TP53BP1: variants seen among roughly 807,000 people sequenced by gnomAD.
TP53BP1 encodes the protein tumor protein p53 binding protein 1.
TP53BP1 carries 61 observed loss-of-function variants against 200.8 expected under a neutral mutation model. That is an observed-to-expected ratio of 0.30 (90% CI 0.25 to 0.38). TP53BP1 has a LOEUF of 0.38. Ranked by LOEUF, TP53BP1 falls within the 10% of genes least tolerant of loss-of-function variation. The pLI is 1.00. For missense variants in TP53BP1, 2,144 were observed against 2,371.9 expected, an observed-to-expected ratio of 0.90 and a Z score of 2.00; for synonymous variants, 822 against 844.3, an observed-to-expected ratio of 0.97 and a Z score of 0.46.
chr15:43,491,841 T>C, intron 3 of TP53BP1, 88 bp from the exon 4 acceptor site: 2 of 1,190,120 alleles, frequency 1.7e-6, no homozygotes, highest in East Asian at 2.3e-5. Context: ...ACCAATCTAA[T>C]CAGTGACACT....
Position 43,409,631 on chromosome 15 carries a change from C to G in TP53BP1, c.5400+16G>C, listed in dbSNP as rs756337514. The G allele has an allele frequency of 1.4e-6, 2 of 1,459,674 alleles. No homozygotes were observed. Among genetic ancestry groups the G allele is most frequent in the Non-Finnish European group, 1.9e-6 (2 of 1,079,564 alleles). The allele number at this position is 1,459,674 out of a possible 1,614,324, so 90.4% of individuals were successfully genotyped here. ...ATCATTGCCACTATATTAGGTTACA[C>G]AAAGAAACTCCTCACCTGGGCTTCA... On this transcript the variant is annotated intron_variant, in intron 25 of 27. Transcript: ENST00000382044.
intron 17 of TP53BP1, among the ~76,000 whole-genome samples, chr15:43,428,892 T>G (rs543247273): frequency 6.6e-6 from 1 of 152,198 alleles, no homozygotes; most frequent in Non-Finnish European, 1.5e-5. Flanking sequence ...GCTTCTTTCA[T>G]TCAAAAAACA....
Position 43,480,907 on chromosome 15 carries a change from G to T in TP53BP1, c.487C>A (p.Leu163Ile), listed in dbSNP as rs2078955433. The T allele has an allele frequency of 6.2e-7, 1 of 1,613,974 alleles. No homozygotes were observed. The highest frequency in any genetic ancestry group is 1.1e-5 in the South Asian group (1 of 91,082). The part of the protein sequence containing the change: ...EDTSGNTTHS[L>I]GAEDTASSQL... Reference sequence around the variant, plus strand: ...AGCACAAGGCTACCTTCAGCACCAAGGGAATGTGTAGTATTGCCTGAAGTA... The same window carrying T: ...AGCACAAGGCTACCTTCAGCACCAATGGAATGTGTAGTATTGCCTGAAGTA... Residue 163 changes from leucine to isoleucine, a missense_variant, in exon 5 of 28, where the codon CTT becomes ATT. Physicochemically the swap from Leu to Ile is conservative, Grantham distance 5. Around this residue, in one of 4 missense-constraint regions of TP53BP1, gnomAD observed 1,700 missense variants for 1,710.3 expected, o/e 0.99. Transcript: ENST00000382044.
At chr15:43,502,604 G>A (rs377065741) in intron 1 of TP53BP1, among the ~76,000 whole-genome samples, 7 of 148,946 alleles carry the variant, frequency 4.7e-5, no homozygotes, top group South Asian at 4.2e-4. Flanking sequence ...ACAGGCGCCC[G>A]CCACCACGAC....
At chr15:43,510,339 G>C (rs955870663) in intron 1 of TP53BP1, 2 of 152,488 alleles carry the variant, frequency 1.3e-5, no homozygotes, top group Non-Finnish European at 2.9e-5. Context: ...AAACTAGCCA[G>C]CCAACTGCTA....
chr15:43,480,862 C>G lies in TP53BP1; in HGVS notation c.499+33G>C, dbSNP rs566236302. On this transcript the variant is annotated intron_variant, in intron 5 of 27. Transcript: ENST00000382044. ...CAATCATGTTAAAGGGAAGTTAGAA[C>G]AGTCTATTATTCTGAAAAAAGCACA... is the stretch of plus-strand genomic sequence containing the variant. 16 of 1,610,174 alleles carry G rather than the reference C, an allele frequency of 9.9e-6. No homozygotes were observed. The East Asian group carries it at 2.9e-4, about 29-fold the overall frequency.
intron 1 of TP53BP1, among the ~76,000 whole-genome samples, chr15:43,502,038 G>A (rs777895080): frequency 6.6e-6 from 1 of 152,202 alleles, no homozygotes; most frequent in Non-Finnish European, 1.5e-5. Flanking sequence ...AATGACTGTA[G>A]GCCACCTGCA....
In TP53BP1 at chr15:43,408,965, C is replaced by G; in HGVS notation, c.5532G>C (p.Gln1844His). 1 of 1,614,200 alleles carries G rather than the reference C, an allele frequency of 6.2e-7. No homozygotes were observed. The part of the protein sequence containing the change: ...VWVHDSCHAN[Q>H]LQNYRNYLLP... The stretch of plus-strand genomic sequence containing the variant: ...ACAGATAATTACGGTAGTTCTGGAG[C>G]TGGTTGGCATGGCAACTATCATGGA... Residue 1844 changes from glutamine (Q) to histidine (H), a missense_variant, in exon 26 of 28, where the codon CAG becomes CAC. Physicochemically the swap from Gln to His is conservative, Grantham distance 24 (BLOSUM62 0). Coordinates refer to ENST00000382044, the MANE Select transcript of TP53BP1 (RefSeq NM_001141980.3).
intron 4 of TP53BP1, among the ~76,000 whole-genome samples, chr15:43,483,717 A>G (rs1013059388): frequency 2.0e-5 from 3 of 152,238 alleles, no homozygotes; most frequent in African/African-American, 7.2e-5. Context: ...GGACCAGATA[A>G]ATGACTTTGG....
chr15:43,493,392 C>T (rs900922915), upstream of TP53BP1, among the ~76,000 whole-genome samples: 5 of 152,094 alleles, frequency 3.3e-5, no homozygotes, highest in Admixed American at 2.0e-4. Context: ...CGTGAAATAC[C>T]TTCCCCTGCT....
At chr15:43,509,371 T>C (rs780020294) in intron 1 of TP53BP1, among the ~76,000 whole-genome samples, 8 of 152,202 alleles carry the variant, frequency 5.3e-5, no homozygotes, top group Non-Finnish European at 1.0e-4. Flanking sequence ...TGTTTTCCTG[T>C]AACACATGCT....
Position 43,447,500 on chromosome 15 carries a change from A to G in TP53BP1, c.2717-15T>C, listed in dbSNP as rs748445467. ...AAATGGGGTTTCTGAAAAAAAAAAA[A>G]AAAAGAAAAAAGAAAGAAAGAAAAA... On this transcript the variant is annotated splice_polypyrimidine_tract_variant and intron_variant, in intron 12 of 27. Transcript: ENST00000382044. The G allele has an allele frequency of 4.7e-6, 7 of 1,486,692 alleles. No homozygotes were observed. Among genetic ancestry groups the G allele is most frequent in the African/African-American group, 2.9e-5 (2 of 69,624 alleles). 92.1% of individuals were successfully genotyped at this position (1,486,692 alleles called of 1,614,324 possible). A position where few individuals can be genotyped will look rare whatever the true frequency, so the allele number is the denominator to read the frequency against.
intron 26 of TP53BP1, chr15:43,408,682 A>G (rs1440501703): frequency 1.8e-6 from 1 of 561,474 alleles, no homozygotes; most frequent in Non-Finnish European, 3.2e-6. Context: ...TATTGAACCT[A>G]TATACAAATC....
chr15:43,415,204 T>A, intron 23 of TP53BP1: 1 of 195,014 alleles, frequency 5.1e-6, no homozygotes, highest in Non-Finnish European at 1.1e-5. Context: ...CTGGCCTTCT[T>A]TTTTTTTTTT....
At chr15:43,459,672 T>C (rs2046384267) in intron 11 of TP53BP1, among the ~76,000 whole-genome samples, 1 of 151,642 alleles carries the variant, frequency 6.6e-6, no homozygotes, top group Non-Finnish European at 1.5e-5. Context: ...TTTTTTTCTT[T>C]TTTTTTTTTA....
At chr15:43,430,861 C>G (rs946355799) in intron 17 of TP53BP1, among the ~76,000 whole-genome samples, 6 of 152,164 alleles carry the variant, frequency 3.9e-5, no homozygotes, top group Non-Finnish European at 7.3e-5. Flanking sequence ...ATTTTAGTAA[C>G]TTCAGCATAT....
In TP53BP1 at chr15:43,483,529, T is replaced by C. The variant is rs370951767; in HGVS notation, c.372-2507A>G. ...GATTACAGATGACATCTTTGCTTCC[T>C]TGCAACTTTCTACACAACTAATATT... is the stretch of plus-strand genomic sequence containing the variant. On this transcript the variant is annotated intron_variant, in intron 4 of 27. Transcript: ENST00000382044. Among the ~76,000 whole-genome samples the C allele has an allele frequency of 8.8e-4, 134 of 152,280 alleles. 1 individual carries two copies. Among genetic ancestry groups the C allele is most frequent in the African/African-American group, 3.1e-3 (127 of 41,558 alleles).
At chr15:43,466,054 C>T (rs2046572056) in intron 11 of TP53BP1, among the ~76,000 whole-genome samples, 1 of 152,202 alleles carries the variant, frequency 6.6e-6, no homozygotes, top group African/African-American at 2.4e-5. Context: ...GAATTCTATA[C>T]TCCTGCAAAC....
At chr15:43,428,588 T>G (rs905240108) in intron 17 of TP53BP1, among the ~76,000 whole-genome samples, 3 of 152,208 alleles carry the variant, frequency 2.0e-5, no homozygotes, top group African/African-American at 7.2e-5. Flanking sequence ...GTCCTTTATA[T>G]AAAACCAGAA....
Sources: gnomAD v4.1 joint callset for allele counts (sites outside exome capture counted in the v4.1 genomes callset) on GRCh38, gnomAD v4.1.1 for gene constraint, gnomAD v4.1.1 regional missense constraint, MANE v1.5 for transcripts, NCBI Gene and HGNC (gene_info 2026-07-23, HGNC 2026-07-21) for gene names.